Variants in MIA2 observed in about 807,000 individuals in gnomAD.
MIA2 encodes the protein melanoma inhibitory activity protein 2.
Under a neutral mutation model 167.8 loss-of-function variants are expected in MIA2, and 127 were observed. The observed-to-expected ratio is 0.76, with a 90% CI of 0.66 to 0.88. The LOEUF is 0.88. Ranked by LOEUF, MIA2 falls within the 40% of genes least tolerant of loss-of-function variation. The pLI is 0.00. For missense variants in MIA2, 1,690 were observed against 1,624.7 expected (o/e 1.04, Z -0.69); for synonymous variants, 552 against 541.9 (o/e 1.02, Z -0.26).
chr14:39,316,529 A>G (rs1348600692), intron 21 of MIA2, among the ~76,000 whole-genome samples: 1 of 152,220 alleles, frequency 6.6e-6, no homozygotes, highest in Admixed American at 6.5e-5. Context: ...CCTGACACAC[A>G]GTATACATTC....
chr14:39,386,980 C>G, exon 24 of MIA2: 2 of 769,084 alleles, frequency 2.6e-6, no homozygotes, highest in Non-Finnish European at 4.5e-6. Context: ...ATGAGACTAA[C>G]GAGATCTGTG....
chr14:39,386,363 C>T, intron 23 of MIA2: 1 of 1,542,202 alleles, frequency 6.5e-7, no homozygotes, highest in South Asian at 1.1e-5. Flanking sequence ...CGAGGAGGAA[C>T]TGGGACTCTC....
chr14:39,254,797 T>G (rs546092996), intron 6 of MIA2, among the ~76,000 whole-genome samples: 1 of 152,362 alleles, frequency 6.6e-6, no homozygotes, highest in South Asian at 2.1e-4. Context: ...GAGTGGGATT[T>G]GGCCCACTAA....
intron 9 of MIA2, among the ~76,000 whole-genome samples, chr14:39,281,045 C>T (rs1426144143): frequency 6.7e-6 from 1 of 150,030 alleles, no homozygotes; most frequent in African/African-American, 2.5e-5. Context: ...ACCTCAGCCT[C>T]CTGAGTAGCT....
chr14:39,363,679 T>C (rs755881800), intron 23 of MIA2, among the ~76,000 whole-genome samples: 1 of 152,248 alleles, frequency 6.6e-6, no homozygotes, highest in East Asian at 1.9e-4. Context: ...TTCAGATATT[T>C]CTTCTAGGTG....
intron 22 of MIA2, 103 bp downstream of exon 22, chr14:39,318,114 C>A (rs2065821185): frequency 1.3e-6 from 1 of 778,910 alleles, no homozygotes; most frequent in Non-Finnish European, 2.0e-6. Context: ...GTGAATCCAG[C>A]ATATCTTGTG....
chr14:39,271,568 T>G (rs1403589642), intron 6 of MIA2, among the ~76,000 whole-genome samples: 1 of 152,070 alleles, frequency 6.6e-6, no homozygotes, highest in Non-Finnish European at 1.5e-5. Context: ...AAAAAGGCAG[T>G]TGGAATTTTA....
chr14:39,257,407 C>T (rs2054868567), intron 6 of MIA2, among the ~76,000 whole-genome samples: 1 of 151,446 alleles, frequency 6.6e-6, no homozygotes, highest in Non-Finnish European at 1.5e-5. Flanking sequence ...GATTGCAACC[C>T]TCCTTTTTTT....
At chr14:39,291,813 G>A (rs562401986) in intron 10 of MIA2, among the ~76,000 whole-genome samples, 2 of 152,308 alleles carry the variant, frequency 1.3e-5, no homozygotes, top group South Asian at 4.1e-4. Flanking sequence ...GCTAAACTAA[G>A]ACAGATTAGG....
intron 6 of MIA2, chr14:39,265,673 T>C: frequency 2.7e-6 from 1 of 365,640 alleles, no homozygotes; most frequent in East Asian, 5.2e-5. Context: ...TTCTAAAACC[T>C]GAAAATTATT....
In MIA2 at chr14:39,247,836, C is replaced by T. The variant is rs556572280; in HGVS notation, c.1262C>T (p.Pro421Leu). The T allele has an allele frequency of 8.6e-5, 137 of 1,590,574 alleles. 1 individual carries two copies. In the South Asian group the frequency reaches 1.5e-3, roughly 18 times the overall value. Residue 421 changes from proline (P) to leucine (L), a missense_variant, in exon 4 of 29, where the codon CCT (proline) becomes CTT (leucine). By Grantham distance (98) the Pro-to-Leu change is moderately conservative. Transcript: ENST00000640607. ...CATCCTCTAACAAGTGAATTAGACC[C>T]TGAAAAAGAACAAGAAATAGAAACG... ...HEHPLTSELD[P>L]EKEQEIETIK...
At chr14:39,267,548 C>A in intron 6 of MIA2, 1 of 1,611,508 alleles carries the variant, frequency 6.2e-7, no homozygotes, top group South Asian at 1.1e-5. Context: ...ATGAGTGTTA[C>A]GTGGCCCAGG....
chr14:39,290,737 G>T (rs577882780), intron 9 of MIA2, among the ~76,000 whole-genome samples: 2 of 152,152 alleles, frequency 1.3e-5, no homozygotes, highest in Admixed American at 6.5e-5. Context: ...TTTAGTAAAA[G>T]ATGCTAATAT....
At chr14:39,260,757 G>T (rs1210745212) in intron 6 of MIA2, among the ~76,000 whole-genome samples, 3 of 152,062 alleles carry the variant, frequency 2.0e-5, no homozygotes, top group Non-Finnish European at 4.4e-5. Context: ...ATTGCTTTTG[G>T]TGTTTTATTC....
rs2065623924 is a variant in MIA2, at chr14:39,317,173, G to A, written c.3217-771G>A. Among the ~76,000 whole-genome samples the A allele has an allele frequency of 2.0e-5, 3 of 152,100 alleles. No homozygotes were observed. The South Asian group carries it at 6.2e-4, about 32-fold the overall frequency. Reference sequence around the variant, plus strand: ...GGCAGGAAAACCCAAGGAACCACAGGCTAAAGAATTACATATCAGGAAGGT... The same window carrying A: ...GGCAGGAAAACCCAAGGAACCACAGACTAAAGAATTACATATCAGGAAGGT... On this transcript the variant is annotated intron_variant, in intron 21 of 28. Coordinates refer to ENST00000640607, the MANE Select transcript of MIA2 (RefSeq NM_001329214.4).
intron 23 of MIA2, among the ~76,000 whole-genome samples, chr14:39,380,047 C>G (rs1026262957): frequency 6.6e-6 from 1 of 152,116 alleles, no homozygotes; most frequent in African/African-American, 2.4e-5. Context: ...AGGAATATGT[C>G]CTGAGTTGTA....
intron 23 of MIA2, among the ~76,000 whole-genome samples, chr14:39,383,234 C>T (rs1202520254): frequency 6.6e-6 from 1 of 152,066 alleles, no homozygotes; most frequent in Non-Finnish European, 1.5e-5. Context: ...CACCATTTTC[C>T]CAACAGTTTG....
intron 25 of MIA2, among the ~76,000 whole-genome samples, chr14:39,335,702 C>T (rs1841576774): frequency 6.6e-6 from 1 of 152,128 alleles, no homozygotes; most frequent in Admixed American, 6.6e-5. Context: ...TGACTGAATT[C>T]ATCACCCAGA....
chr14:39,276,717 G>T (rs1031519333), intron 6 of MIA2: 4 of 477,912 alleles, frequency 8.4e-6, no homozygotes, highest in African/African-American at 7.9e-5. Flanking sequence ...CACCTCTGTA[G>T]AACTCCAGTT....
Sources: allele counts gnomAD v4.1 joint callset (sites outside exome capture counted in the v4.1 genomes callset), GRCh38; gene constraint gnomAD v4.1.1; transcripts MANE v1.5; gene names NCBI Gene and HGNC (gene_info 2026-07-23, HGNC 2026-07-21).